Variants in FLVCR2 observed in about 807,000 individuals in gnomAD.
FLVCR2 encodes FLVCR choline and putative heme transporter 2.
FLVCR2 carries 38 observed loss-of-function variants against 48.9 expected under a neutral mutation model. The observed-to-expected ratio is 0.78, with a 90% CI of 0.60 to 1.02. The LOEUF is 1.02. FLVCR2 is among the 50% of genes least tolerant of loss of function. The pLI, the probability that FLVCR2 is intolerant of heterozygous loss-of-function variation, is 0.00. For synonymous variants in FLVCR2, 255 were observed against 257.0 expected, an observed-to-expected ratio of 0.99 and a Z score of 0.07; for missense variants, 664 against 663.3, an observed-to-expected ratio of 1.00 and a Z score of -0.01.
chr14:75,602,701 G>T (rs916493424), intron 1 of FLVCR2, among the ~76,000 whole-genome samples: 2 of 152,140 alleles, frequency 1.3e-5, no homozygotes, highest in African/African-American at 4.8e-5. Flanking sequence ...ACTGTTTAAC[G>T]GGTACAGAGT....
Position 75,647,802 on chromosome 14 carries a change from A to G in FLVCR2, c.*1330A>G, listed in dbSNP as rs564746565. On this transcript the variant is annotated 3_prime_UTR_variant, in exon 10 of 10. Coordinates refer to ENST00000238667, the MANE Select transcript of FLVCR2 (RefSeq NM_017791.3). ...CTCCAGCCACTGCCCTGGCCTCAGC[A>G]TATCAGGGCAGCCTGTGCTGGCTGC... The G allele has an allele frequency of 1.3e-5, 2 of 152,694 alleles. No individual in the cohort carries two copies. The highest frequency in any genetic ancestry group is 6.5e-5 in the Admixed American group (1 of 15,272). 9.5% of individuals were successfully genotyped at this position (152,694 alleles called of 1,614,324 possible).
chr14:75,586,984 G>A (rs1888768164), intron 1 of FLVCR2, among the ~76,000 whole-genome samples: 1 of 152,130 alleles, frequency 6.6e-6, no homozygotes, highest in African/African-American at 2.4e-5. Flanking sequence ...TTTTCAGCTA[G>A]AGGATTTATT....
chr14:75,602,108 T>C (rs980923648), intron 1 of FLVCR2, among the ~76,000 whole-genome samples: 4 of 152,286 alleles, frequency 2.6e-5, no homozygotes, highest in South Asian at 2.1e-4. Flanking sequence ...GGATGGGGAT[T>C]GTGGAGCTTC....
chr14:75,624,583 T>C (rs772538971), intron 2 of FLVCR2, 29 bp from the exon 3 acceptor site: 1 of 1,614,024 alleles, frequency 6.2e-7, no homozygotes, highest in South Asian at 1.1e-5. Flanking sequence ...CATGGGAATT[T>C]TCAGCCATCT....
intron 9 of FLVCR2, among the ~76,000 whole-genome samples, chr14:75,644,656 C>T (rs1369688706): frequency 6.6e-6 from 1 of 152,100 alleles, no homozygotes; most frequent in Non-Finnish European, 1.5e-5. Flanking sequence ...CAAAGTCATG[C>T]TGGGACTGAC....
chr14:75,593,293 C>T (rs529514177), intron 1 of FLVCR2, among the ~76,000 whole-genome samples: 1 of 152,280 alleles, frequency 6.6e-6, no homozygotes, highest in African/African-American at 2.4e-5. Context: ...GTTGTTATAA[C>T]AGAATACCTG....
In FLVCR2 at chr14:75,579,351, T is replaced by A. The variant is rs1298944393; in HGVS notation, c.379T>A (p.Ser127Thr). 1.2e-6 allele frequency: 2 copies of A among 1,614,246 alleles called. No homozygotes were observed. Among genetic ancestry groups the A allele is most frequent in the Non-Finnish European group, 1.7e-6 (2 of 1,180,048 alleles). The change falls in exon 1 of 10, where the codon TCC (serine) becomes ACC (threonine). Residue 127 changes from serine (S) to threonine (T), a missense_variant. Transcript: ENST00000238667. Reference protein sequence around the residue: ...GVSAFAIDWLSMCYMLTYIPL... With the variant: ...GVSAFAIDWLTMCYMLTYIPL... ...CAGTGCCTTTGCCATTGACTGGCTG[T>A]CCATGTGCTACATGCTGACTTACAT...
chr14:75,583,208 G>A (rs1888656141), intron 1 of FLVCR2, among the ~76,000 whole-genome samples: 1 of 152,180 alleles, frequency 6.6e-6, no homozygotes, highest in African/African-American at 2.4e-5. Flanking sequence ...TTGAGGATAG[G>A]AGAGTATATG....
chr14:75,608,408 C>T (rs769176309), intron 1 of FLVCR2, among the ~76,000 whole-genome samples: 11 of 152,206 alleles, frequency 7.2e-5, no homozygotes, highest in Non-Finnish European at 1.3e-4. Flanking sequence ...CCGCTTGCTG[C>T]AGAGGGGCCT....
rs769050180 is a variant in FLVCR2, at chr14:75,641,069, C to T, written c.1341+9C>T. On this transcript the variant is annotated intron_variant, in intron 7 of 9. Coordinates refer to ENST00000238667, the MANE Select transcript of FLVCR2 (RefSeq NM_017791.3). ...TCAACATATCTGCACAGGTAGAGCT[C>T]GTATTTCCTGTTTGTTTCCTGGCTG... 1.1e-5 allele frequency: 17 copies of T among 1,604,844 alleles called. No homozygotes were observed. Among genetic ancestry groups the T allele is most frequent in the East Asian group, 8.9e-5 (4 of 44,840 alleles).
At chr14:75,624,540 A>G in intron 2 of FLVCR2, 72 bp from the exon 3 acceptor site, 3 of 1,575,876 alleles carry the variant, frequency 1.9e-6, no homozygotes, top group South Asian at 2.2e-5. Flanking sequence ...AGCAGCTTTC[A>G]TTCATGTGGA....
intron 3 of FLVCR2, among the ~76,000 whole-genome samples, chr14:75,630,428 T>C (rs531816770): frequency 6.6e-6 from 1 of 152,196 alleles, no homozygotes; most frequent in Non-Finnish European, 1.5e-5. Flanking sequence ...ATTGTTGTAG[T>C]TGCTAAAGAT....
chr14:75,582,972 G>A (rs1888648420), intron 1 of FLVCR2, among the ~76,000 whole-genome samples: 1 of 152,218 alleles, frequency 6.6e-6, no homozygotes, highest in Non-Finnish European at 1.5e-5. Context: ...TGCCAAGATA[G>A]GTAACAGATG....
At chr14:75,620,341 G>A (rs1889731306) in intron 1 of FLVCR2, among the ~76,000 whole-genome samples, 1 of 152,198 alleles carries the variant, frequency 6.6e-6, no homozygotes, top group Non-Finnish European at 1.5e-5. Context: ...CTCTTAGCCT[G>A]GGATGCACTG....
rs140760327 is a variant in FLVCR2 at position 75,639,155 on chromosome 14, G to A, written c.1125-197G>A. 6.2e-3 allele frequency among the ~76,000 whole-genome samples: 942 copies of A among 152,286 alleles called. 12 individuals are homozygous for A. Among genetic ancestry groups the A allele is most frequent in the African/African-American group, 0.022 (910 of 41,546 alleles). On this transcript the variant is annotated intron_variant, in intron 5 of 9. Transcript: ENST00000238667. ...GAGCCCAGGAGGTAGAGGTTTCAGC[G>A]AGCTGTGATCACGCCACTGCACTCC...
At chr14:75,598,941 G>A (rs985196286) in intron 1 of FLVCR2, among the ~76,000 whole-genome samples, 3 of 152,194 alleles carry the variant, frequency 2.0e-5, no homozygotes, top group Non-Finnish European at 2.9e-5. Context: ...TGACCACTGA[G>A]GCTCCATACT....
At chr14:75,624,121 G>C (rs932833905) in intron 2 of FLVCR2, among the ~76,000 whole-genome samples, 1 of 152,074 alleles carries the variant, frequency 6.6e-6, no homozygotes, top group African/African-American at 2.4e-5. Flanking sequence ...CAGCACTATG[G>C]GGGGCTGAGG....
Position 75,579,153 on chromosome 14 carries a change from C to T in FLVCR2, c.181C>T (p.Pro61Ser). The change falls in exon 1 of 10, where the codon CCC (proline) becomes TCC (serine). Residue 61 changes from proline to serine, a missense_variant. Physicochemically the swap from Pro to Ser is moderately conservative, Grantham distance 74. Coordinates refer to ENST00000238667, the MANE Select transcript of FLVCR2 (RefSeq NM_017791.3). Reference sequence around the variant, plus strand: ...GGCCCACCCCAGTGCCTTAGCCCAACCCAGTGGCTTGGCTCACCCCAGTAG... The same window carrying T: ...GGCCCACCCCAGTGCCTTAGCCCAATCCAGTGGCTTGGCTCACCCCAGTAG... ...SSAHPSALAQ[P>S]SGLAHPSSSG... 5.6e-6 allele frequency: 9 copies of T among 1,614,076 alleles called. No individual in the cohort carries two copies. Among genetic ancestry groups the T allele is most frequent in the South Asian group, 1.1e-5 (1 of 91,084 alleles).
intron 1 of FLVCR2, among the ~76,000 whole-genome samples, chr14:75,580,613 G>A (rs544221727): frequency 2.0e-5 from 3 of 152,212 alleles, no homozygotes; most frequent in Non-Finnish European, 2.9e-5. Flanking sequence ...GCAAAGGGTG[G>A]TGGATTATCA....
Sources: gnomAD v4.1 joint callset for allele counts (sites outside exome capture counted in the v4.1 genomes callset) on GRCh38, gnomAD v4.1.1 for gene constraint, MANE v1.5 for transcripts, NCBI Gene and HGNC (gene_info 2026-07-23, HGNC 2026-07-21) for gene names.